The following CPQ variants were observed in gnomAD, a reference collection of about 807,000 sequenced individuals.
The protein encoded by CPQ is Ser-Met dipeptidase.
Under a neutral mutation model 45.7 loss-of-function variants are expected in CPQ, and 37 were observed. The observed-to-expected ratio is 0.81, with a 90% CI of 0.62 to 1.07. The LOEUF is 1.07. CPQ is among the 50% of genes least tolerant of loss of function. The probability of loss-of-function intolerance (pLI) is 0.00; values close to 1 mark genes in which losing one functional copy is unlikely to be tolerated. For missense variants in CPQ, 537 were observed against 572.9 expected, an observed-to-expected ratio of 0.94 and a Z score of 0.64; for synonymous variants, 186 against 205.8, an observed-to-expected ratio of 0.90 and a Z score of 0.82.
chr8:96,783,159 G>A (rs552510024), intron 1 of CPQ, among the ~76,000 whole-genome samples: 6 of 151,852 alleles, frequency 4.0e-5, no homozygotes, highest in African/African-American at 9.7e-5. Flanking sequence ...AAATTCTTCC[G>A]GCCTCTCCCC....
chr8:96,866,751 A>G (rs1812001621), intron 3 of CPQ, among the ~76,000 whole-genome samples: 1 of 152,116 alleles, frequency 6.6e-6, no homozygotes, highest in Non-Finnish European at 1.5e-5. Flanking sequence ...ATCTTACAGA[A>G]TGTTCCAGTG....
chr8:97,100,384 G>A (rs1207312060), intron 7 of CPQ, among the ~76,000 whole-genome samples: 1 of 152,108 alleles, frequency 6.6e-6, no homozygotes, highest in Non-Finnish European at 1.5e-5. Flanking sequence ...GAGGAGAGAG[G>A]AGCGGGCAAA....
At chr8:97,016,679 G>A (rs1017146851) in intron 5 of CPQ, among the ~76,000 whole-genome samples, 1 of 152,148 alleles carries the variant, frequency 6.6e-6, no homozygotes, top group South Asian at 2.1e-4. Flanking sequence ...TTGAGTTAGG[G>A]GAGCCTTCCC....
intron 1 of CPQ, among the ~76,000 whole-genome samples, chr8:96,665,634 G>T (rs139028735): frequency 2.0e-5 from 3 of 152,174 alleles, no homozygotes; most frequent in African/African-American, 7.2e-5. Context: ...AATTTGTGAT[G>T]TTCATAATTA....
chr8:96,998,902 A>G (rs1174776661), intron 5 of CPQ, among the ~76,000 whole-genome samples: 1 of 152,022 alleles, frequency 6.6e-6, no homozygotes, highest in Non-Finnish European at 1.5e-5. Context: ...AAAGACTTAC[A>G]ATAAACAACA....
intron 1 of CPQ, among the ~76,000 whole-genome samples, chr8:96,673,072 T>C (rs1266801877): frequency 2.0e-5 from 3 of 151,622 alleles, no homozygotes; most frequent in Admixed American, 2.0e-4. Flanking sequence ...GAGGCTAGAG[T>C]GACTGGAGCA....
intron 4 of CPQ, among the ~76,000 whole-genome samples, chr8:96,887,654 G>C: frequency 6.6e-6 from 1 of 152,126 alleles, no homozygotes; most frequent in East Asian, 1.9e-4. Context: ...CATTTCTTTT[G>C]ATCCCCAGCA....
At chr8:96,786,785 A>G (rs779581233) in intron 2 of CPQ, among the ~76,000 whole-genome samples, 2 of 152,134 alleles carry the variant, frequency 1.3e-5, no homozygotes, top group Non-Finnish European at 2.9e-5. Context: ...GATGTTGAGC[A>G]TCCTTCCATG....
intron 7 of CPQ, among the ~76,000 whole-genome samples, chr8:97,079,914 G>A (rs1277599426): frequency 6.6e-6 from 1 of 152,130 alleles, no homozygotes; most frequent in Admixed American, 6.5e-5. Context: ...GCGTTGCCTG[G>A]AATCTCAGTT....
At chr8:96,850,453 C>A (rs1811755286) in intron 3 of CPQ, among the ~76,000 whole-genome samples, 1 of 152,102 alleles carries the variant, frequency 6.6e-6, no homozygotes, top group Non-Finnish European at 1.5e-5. Flanking sequence ...CCAGCTGTAT[C>A]CATAATATCA....
chr8:97,031,155 T>C (rs1212092948), intron 6 of CPQ, among the ~76,000 whole-genome samples: 1 of 151,260 alleles, frequency 6.6e-6, no homozygotes, highest in Non-Finnish European at 1.5e-5. Flanking sequence ...TATTGGACTT[T>C]ATATAAAAAA....
intron 6 of CPQ, among the ~76,000 whole-genome samples, chr8:97,047,968 A>G (rs575427627): frequency 1.3e-5 from 2 of 152,268 alleles, no homozygotes; most frequent in East Asian, 3.9e-4. Flanking sequence ...TATCTTTCCC[A>G]TGTGTATAGA....
intron 5 of CPQ, among the ~76,000 whole-genome samples, chr8:96,986,263 C>T (rs1347989151): frequency 6.6e-6 from 1 of 152,150 alleles, no homozygotes; most frequent in African/African-American, 2.4e-5. Flanking sequence ...TCTCTTGTTG[C>T]CACCCTTGAC....
At chr8:96,647,160 A>G (rs149376810) in intron 1 of CPQ, among the ~76,000 whole-genome samples, 2 of 152,348 alleles carry the variant, frequency 1.3e-5, no homozygotes, top group African/African-American at 4.8e-5. Flanking sequence ...GTCATTATAC[A>G]TACATATTTA....
At chr8:97,057,490 A>C (rs1282962004) in intron 6 of CPQ, among the ~76,000 whole-genome samples, 1 of 152,186 alleles carries the variant, frequency 6.6e-6, no homozygotes, top group Non-Finnish European at 1.5e-5. Flanking sequence ...CTTCCTAGAT[A>C]ATGAGAGCTC....
intron 1 of CPQ, among the ~76,000 whole-genome samples, chr8:96,745,649 C>T (rs973469139): frequency 3.3e-5 from 5 of 152,194 alleles, no homozygotes; most frequent in African/African-American, 1.2e-4. Context: ...CAACTAGTAA[C>T]TGGCAGAATT....
At chr8:97,015,404 A>C (rs1388404201) in intron 5 of CPQ, among the ~76,000 whole-genome samples, 1 of 151,978 alleles carries the variant, frequency 6.6e-6, no homozygotes, top group Non-Finnish European at 1.5e-5. Context: ...CCCTACTATC[A>C]GGCAATTTAA....
intron 7 of CPQ, among the ~76,000 whole-genome samples, chr8:97,072,496 T>TA (rs1810763015): frequency 1.3e-5 from 2 of 152,016 alleles, no homozygotes; most frequent in South Asian, 4.2e-4. Context: ...AACGGTAATT[T>TA]AAAAAAAAGA....
intron 7 of CPQ, among the ~76,000 whole-genome samples, chr8:97,110,247 A>T (rs985003725): frequency 2.0e-5 from 3 of 152,226 alleles, no homozygotes; most frequent in Non-Finnish European, 4.4e-5. Context: ...TATCATATTT[A>T]GCACTGCATA....
Sources: gnomAD v4.1 joint callset for allele counts (sites outside exome capture counted in the v4.1 genomes callset) on GRCh38, gnomAD v4.1.1 for gene constraint, MANE v1.5 for transcripts, NCBI Gene and HGNC (gene_info 2026-07-23, HGNC 2026-07-21) for gene names.